Variants in ZNF532 observed in about 807,000 individuals in gnomAD.
ZNF532 encodes the protein zinc finger protein 532.
ZNF532 carries 22 observed loss-of-function variants against 89.3 expected under a neutral mutation model. The ratio of observed to expected loss-of-function variants is 0.25; its 90% CI spans 0.18 to 0.35. ZNF532 has a LOEUF of 0.35. ZNF532 is among the 10% of genes least tolerant of loss of function. The pLI, the probability that ZNF532 is intolerant of heterozygous loss-of-function variation, is 1.00. For synonymous variants in ZNF532, 606 were observed against 649.6 expected (o/e 0.93, Z 1.02); for missense variants, 1,132 against 1,643.4 (o/e 0.69, Z 5.38).
chr18:58,946,793 GTAAC>G (rs1355965964), intron 5 of ZNF532, among the ~76,000 whole-genome samples: 3 of 152,188 alleles, frequency 2.0e-5, no homozygotes, highest in African/African-American at 7.2e-5. Flanking sequence ...CTGCAGTAAA[GTAAC>G]TAACATCTCA....
At chr18:58,921,924 G>C (rs369094944) in intron 3 of ZNF532, among the ~76,000 whole-genome samples, 5 of 152,214 alleles carry the variant, frequency 3.3e-5, no homozygotes, top group African/African-American at 1.2e-4. Context: ...TGGGCAACAT[G>C]GTGAAACCTC....
chr18:58,962,571 T>C (rs2065462086), intron 7 of ZNF532, among the ~76,000 whole-genome samples: 1 of 151,468 alleles, frequency 6.6e-6, no homozygotes, highest in Non-Finnish European at 1.5e-5. Context: ...GACCAGCTAA[T>C]TGGCATCACT....
At chr18:58,929,909 T>C (rs1423735896) in intron 3 of ZNF532, among the ~76,000 whole-genome samples, 1 of 152,250 alleles carries the variant, frequency 6.6e-6, no homozygotes, top group African/African-American at 2.4e-5. Context: ...ACTTTATTAT[T>C]TTTGTATAAT....
At chr18:58,977,221 C>G (rs4940436) in intron 7 of ZNF532, among the ~76,000 whole-genome samples, 9,935 of 152,240 alleles carry the variant, frequency 0.065, 1,214 homozygotes, top group East Asian at 0.54. Flanking sequence ...CAGTATTTTT[C>G]TATGCTTTTT....
At chr18:58,936,020 T>A (rs979697103) in intron 4 of ZNF532, among the ~76,000 whole-genome samples, 1 of 152,232 alleles carries the variant, frequency 6.6e-6, no homozygotes, top group African/African-American at 2.4e-5. Flanking sequence ...ATCTCATGCC[T>A]CCAAACTTGT....
rs201656764 is a variant in ZNF532, at chr18:58,947,713, T to TA, written c.2706-343dup. 7.8e-3 allele frequency among the ~76,000 whole-genome samples: 1,146 copies of TA among 146,752 alleles called. 11 individuals are homozygous for TA. The highest frequency in any genetic ancestry group is 0.047 in the East Asian group (240 of 5,112). On this transcript the variant is annotated intron_variant, in intron 5 of 9. Transcript: ENST00000591808. ...GTATCATCATTGCCTTGTCTGATCT[T>TA]AAAAAAAAAAATCTTTAAAAAAAAA... is the stretch of plus-strand genomic sequence containing the variant.
chr18:58,957,997 C>T (rs1483221213), intron 7 of ZNF532, among the ~76,000 whole-genome samples: 3 of 148,140 alleles, frequency 2.0e-5, no homozygotes, highest in East Asian at 2.0e-4. Context: ...ATCCAGGAGG[C>T]GGAGGTTGCA....
chr18:58,889,885 C>T (rs1234468571), intron 2 of ZNF532, among the ~76,000 whole-genome samples: 1 of 152,114 alleles, frequency 6.6e-6, no homozygotes, highest in Non-Finnish European at 1.5e-5. Context: ...AGTTTGAGAC[C>T]AACCTGGCCA....
intron 2 of ZNF532, among the ~76,000 whole-genome samples, chr18:58,884,986 T>A (rs2058187610): frequency 6.6e-6 from 1 of 151,542 alleles, no homozygotes. Flanking sequence ...AGGGTTTTTT[T>A]TTTTTTTTCT....
intron 3 of ZNF532, among the ~76,000 whole-genome samples, chr18:58,925,702 C>T (rs570606270): frequency 3.9e-5 from 6 of 152,152 alleles, no homozygotes; most frequent in Admixed American, 3.3e-4. Context: ...TAAACATTTT[C>T]TTCTGTGTTT....
At chr18:58,893,786 T>TA (rs756106996) in intron 2 of ZNF532, among the ~76,000 whole-genome samples, 4 of 152,192 alleles carry the variant, frequency 2.6e-5, no homozygotes, top group Non-Finnish European at 4.4e-5. Context: ...GTTGGCTTGA[T>TA]ATTTTGATAT....
At chr18:58,966,183 A>G (rs939686704) in intron 7 of ZNF532, among the ~76,000 whole-genome samples, 3 of 152,074 alleles carry the variant, frequency 2.0e-5, no homozygotes, top group Non-Finnish European at 4.4e-5. Flanking sequence ...GCTGAGAGAT[A>G]AGCTATTTAG....
intron 7 of ZNF532, among the ~76,000 whole-genome samples, chr18:58,957,402 A>AATAC (rs2064887443): frequency 6.5e-5 from 4 of 61,426 alleles, no homozygotes; most frequent in East Asian, 1.4e-3. Flanking sequence ...TATGACTTAA[A>AATAC]ATACATATAT....
At chr18:58,943,758 G>A (rs1222228045) in intron 5 of ZNF532, among the ~76,000 whole-genome samples, 1 of 152,138 alleles carries the variant, frequency 6.6e-6, no homozygotes, top group Non-Finnish European at 1.5e-5. Flanking sequence ...ACCATGCCTG[G>A]CCTATATCTT....
At chr18:58,913,006 C>T (rs751937759) in intron 2 of ZNF532, among the ~76,000 whole-genome samples, 10 of 152,052 alleles carry the variant, frequency 6.6e-5, no homozygotes, top group Non-Finnish European at 1.2e-4. Context: ...GGTCGACCTG[C>T]GTAGCTGAAC....
chr18:58,884,575 G>A (rs2058153735), intron 2 of ZNF532, among the ~76,000 whole-genome samples: 1 of 152,174 alleles, frequency 6.6e-6, no homozygotes, highest in Admixed American at 6.5e-5. Flanking sequence ...CACTTCTAAT[G>A]TAGGAAATCA....
chr18:58,864,060 C>G (rs1429924692), upstream of ZNF532: 2 of 152,202 alleles, frequency 1.3e-5, no homozygotes, highest in African/African-American at 4.8e-5. Flanking sequence ...GAGCGCGGCT[C>G]TCCTACTCCC....
chr18:58,971,482 G>A (rs1178669185), intron 7 of ZNF532, among the ~76,000 whole-genome samples: 6 of 152,124 alleles, frequency 3.9e-5, no homozygotes, highest in African/African-American at 4.8e-5. Flanking sequence ...ACACAGCCAC[G>A]CCCATTCATT....
intron 7 of ZNF532, among the ~76,000 whole-genome samples, chr18:58,959,406 T>C (rs1425777680): frequency 6.6e-6 from 1 of 151,760 alleles, no homozygotes; most frequent in Non-Finnish European, 1.5e-5. Context: ...ACTACAGGTG[T>C]GTACCACCAC....
Sources: gnomAD v4.1 joint callset for allele counts (sites outside exome capture counted in the v4.1 genomes callset) on GRCh38, gnomAD v4.1.1 for gene constraint, MANE v1.5 for transcripts, NCBI Gene and HGNC (gene_info 2026-07-23, HGNC 2026-07-21) for gene names.